GNB1: variants seen among roughly 807,000 people sequenced by gnomAD.
GNB1 encodes the protein G protein subunit beta 1.
GNB1 carries 2 observed loss-of-function variants against 42.9 expected under a neutral mutation model. The ratio of observed to expected loss-of-function variants is 0.05; its 90% CI spans 0.02 to 0.15. The LOEUF is 0.15. Ranked by LOEUF, GNB1 falls within the 10% of genes least tolerant of loss-of-function variation. The pLI, the probability that GNB1 is intolerant of heterozygous loss-of-function variation, is 1.00. For missense variants in GNB1, 193 were observed against 462.2 expected (o/e 0.42, Z 5.34); for synonymous variants, 183 against 174.7 (o/e 1.05, Z -0.38).
intron 1 of GNB1, among the ~76,000 whole-genome samples, chr1:1,842,568 C>T (rs1458599667): frequency 6.6e-6 from 1 of 152,096 alleles, no homozygotes; most frequent in African/African-American, 2.4e-5. Context: ...ATATCCGGAA[C>T]ACACAAATCC....
intron 5 of GNB1, among the ~76,000 whole-genome samples, chr1:1,807,212 A>G (rs1249768027): frequency 6.6e-6 from 1 of 151,992 alleles, no homozygotes; most frequent in Non-Finnish European, 1.5e-5. Flanking sequence ...CTTTAATCCC[A>G]ACACTTTGGG....
chr1:1,819,225 A>T (rs1283166326), intron 3 of GNB1, among the ~76,000 whole-genome samples: 8 of 146,394 alleles, frequency 5.5e-5, no homozygotes, highest in Admixed American at 5.4e-4. Context: ...AATCACAACT[A>T]TTTTTTTTTT....
chr1:1,848,673 C>CT (rs1417967902), intron 1 of GNB1, among the ~76,000 whole-genome samples: 1 of 152,200 alleles, frequency 6.6e-6, no homozygotes, highest in East Asian at 1.9e-4. Context: ...TAAAAACTGT[C>CT]TTTTGACTGC....
At chr1:1,808,628 TTTTGTTTGTTTGTTTTTG>T (rs1473192164) in intron 5 of GNB1, among the ~76,000 whole-genome samples, 1 of 144,694 alleles carries the variant, frequency 6.9e-6, no homozygotes, top group Non-Finnish European at 1.5e-5. Context: ...ACGCAAGGTT[TTTTGTTTGTTTGTTTTTG>T]TTTGTTTGTT....
At chr1:1,810,023 A>T (rs1334471370) in intron 5 of GNB1, among the ~76,000 whole-genome samples, 1 of 152,026 alleles carries the variant, frequency 6.6e-6, no homozygotes, top group Admixed American at 6.6e-5. Flanking sequence ...GGTTAAGTCC[A>T]GGAGTTTGAA....
intron 7 of GNB1, among the ~76,000 whole-genome samples, chr1:1,798,159 G>A (rs1646571854): frequency 6.6e-6 from 1 of 152,240 alleles, no homozygotes; most frequent in Non-Finnish European, 1.5e-5. Flanking sequence ...AGGCTCAGAG[G>A]GTTGCACAGA....
intron 1 of GNB1, among the ~76,000 whole-genome samples, chr1:1,871,600 C>CA (rs1649253666): frequency 1.3e-5 from 2 of 152,168 alleles, no homozygotes; most frequent in South Asian, 4.1e-4. Context: ...CCGACCATCA[C>CA]AAAAACAGAA....
At chr1:1,868,109 CTATT>C (rs1477656171) in intron 1 of GNB1, among the ~76,000 whole-genome samples, 2 of 152,204 alleles carry the variant, frequency 1.3e-5, no homozygotes, top group Admixed American at 6.5e-5. Flanking sequence ...TTATGTCTAT[CTATT>C]CAAGTTCTCT....
intron 1 of GNB1, among the ~76,000 whole-genome samples, chr1:1,858,827 C>T (rs150410736): frequency 6.6e-6 from 1 of 152,282 alleles, no homozygotes; most frequent in Non-Finnish European, 1.5e-5. Flanking sequence ...ACGTCACATC[C>T]TAATAAAGCC....
At chr1:1,859,167 A>G (rs1052036047) in intron 1 of GNB1, among the ~76,000 whole-genome samples, 11 of 151,976 alleles carry the variant, frequency 7.2e-5, no homozygotes, top group Admixed American at 3.9e-4. Flanking sequence ...GATTAGAGGC[A>G]TGCACCACAA....
Position 1,803,537 on chromosome 1 carries a change from C to T in GNB1, c.430+882G>A, listed in dbSNP as rs187864702. Among the ~76,000 whole-genome samples, 811 of 152,318 alleles carry T rather than the reference C, an allele frequency of 5.3e-3. 4 individuals are homozygous for T. Among genetic ancestry groups the T allele is most frequent in the African/African-American group, 0.013 (551 of 41,564 alleles). ...CTCCAAGCTATCCTCCTACCTTGGC[C>T]TCCCAGAGTGTTGCAGTTACAGGCA... On this transcript the variant is annotated intron_variant, in intron 7 of 11. Coordinates refer to ENST00000378609, the MANE Select transcript of GNB1 (RefSeq NM_002074.5).
intron 1 of GNB1, among the ~76,000 whole-genome samples, chr1:1,843,274 C>CA (rs1035909873): frequency 3.9e-5 from 6 of 152,160 alleles, no homozygotes; most frequent in African/African-American, 1.4e-4. Flanking sequence ...GTCTGGAGTA[C>CA]AGTGGCACAA....
Position 1,875,653 on chromosome 1 carries a change from A to G in GNB1, c.-96+15167T>C, listed in dbSNP as rs532040839. Among the ~76,000 whole-genome samples the G allele has an allele frequency of 3.5e-4, 53 of 152,212 alleles. No homozygotes were observed. The South Asian group carries it at 9.8e-3, about 28-fold the overall frequency. Reference sequence around the variant, plus strand: ...CCTCCCAAAGTGCTGAGCTTACAGGAGTGAGCCACTGCATCCGGCCCCTTT... The same window carrying G: ...CCTCCCAAAGTGCTGAGCTTACAGGGGTGAGCCACTGCATCCGGCCCCTTT... On this transcript the variant is annotated intron_variant, in intron 1 of 11. Coordinates refer to ENST00000378609, the MANE Select transcript of GNB1 (RefSeq NM_002074.5).
At chr1:1,809,183 G>T (rs1439472756) in intron 5 of GNB1, among the ~76,000 whole-genome samples, 2 of 141,284 alleles carry the variant, frequency 1.4e-5, no homozygotes, top group Non-Finnish European at 1.5e-5. Context: ...TTATTTTTCA[G>T]ATGCAATTTT....
chr1:1,834,869 C>T (rs909286895), intron 2 of GNB1, among the ~76,000 whole-genome samples: 2 of 151,888 alleles, frequency 1.3e-5, no homozygotes, highest in African/African-American at 2.4e-5. Context: ...GGGGTTTCAC[C>T]GTGTTAGCCA....
intron 1 of GNB1, among the ~76,000 whole-genome samples, chr1:1,884,350 T>C (rs1319255892): frequency 2.6e-5 from 4 of 152,070 alleles, no homozygotes; most frequent in Non-Finnish European, 4.4e-5. Context: ...GTGCTGGAAT[T>C]ACAGGCGTGA....
intron 5 of GNB1, among the ~76,000 whole-genome samples, chr1:1,813,505 C>T (rs1387660793): frequency 2.6e-5 from 4 of 152,194 alleles, no homozygotes; most frequent in Non-Finnish European, 5.9e-5. Context: ...TATTTAGAGA[C>T]AGGGTCTCAC....
In GNB1 at chr1:1,887,594, GA is replaced by G. The variant is rs1398558415; in HGVS notation, c.-96+3225del. 3.9e-5 allele frequency among the ~76,000 whole-genome samples: 6 copies of G among 152,298 alleles called. No homozygotes were observed. In the East Asian group the frequency reaches 1.2e-3, roughly 29 times the overall value. ...AATCTACCTAGATGATACTAGCTTT[GA>G]AATCAAAGTCATTGGGCATCAAAAG... On this transcript the variant is annotated intron_variant, in intron 1 of 11. Transcript: ENST00000378609.
intron 5 of GNB1, among the ~76,000 whole-genome samples, chr1:1,809,279 A>C (rs1646744584): frequency 6.7e-6 from 1 of 149,574 alleles, no homozygotes; most frequent in African/African-American, 2.5e-5. Context: ...GATGCAAGCA[A>C]TTCTCGTGCG....
Sources: gnomAD v4.1 joint callset for allele counts (sites outside exome capture counted in the v4.1 genomes callset) on GRCh38, gnomAD v4.1.1 for gene constraint, MANE v1.5 for transcripts, NCBI Gene and HGNC (gene_info 2026-07-23, HGNC 2026-07-21) for gene names.